Variants in BTG1 observed in about 807,000 individuals in gnomAD.
BTG1 encodes protein BTG1.
BTG1 carries 2 observed loss-of-function variants against 15.2 expected under a neutral mutation model. The ratio of observed to expected loss-of-function variants is 0.13; its 90% CI spans 0.05 to 0.41. The LOEUF is 0.41. Among genes scored for constraint, BTG1 ranks in the 10% least tolerant of loss-of-function variants. BTG1 has a pLI of 0.99. For synonymous variants in BTG1, 109 were observed against 82.4 expected (o/e 1.32, Z -1.75); for missense variants, 149 against 215.0 (o/e 0.69, Z 1.92).
chr12:92,145,322 C>G, intron 1 of BTG1, 66 bp downstream of exon 1: 1 of 1,406,818 alleles, frequency 7.1e-7, no homozygotes, highest in Admixed American at 2.9e-5. Flanking sequence ...TCCCGCAGCC[C>G]CGACGGCCGG....
rs1245145979 is a variant in BTG1 at position 92,140,678 on chromosome 12, T to A, written c.*3402A>T. On this transcript the variant is annotated 3_prime_UTR_variant, in exon 2 of 2. Coordinates refer to ENST00000256015, the MANE Select transcript of BTG1 (RefSeq NM_001731.3). ...GTGATACTGTTATATTAGTTCCAAA[T>A]ATGAAAATAAACCGGTTATATTTTG... 9 of 231,982 alleles carry A rather than the reference T, an allele frequency of 3.9e-5. No individual in the cohort carries two copies. The highest frequency in any genetic ancestry group is 6.0e-5 in the Non-Finnish European group (7 of 117,346). 14.4% of individuals were successfully genotyped at this position (231,982 alleles called of 1,614,324 possible).
In BTG1 at chr12:92,143,753, T is replaced by C. The variant is rs1304464933; in HGVS notation, c.*327A>G. On this transcript the variant is annotated 3_prime_UTR_variant, in exon 2 of 2. Transcript: ENST00000256015. ...AGATTTACTGCAGAGAAAGATTCTT[T>C]GAAATACAGATTTTCTTTAAAAGGA... The C allele has an allele frequency of 6.7e-6, 2 of 297,722 alleles. No individual in the cohort carries two copies. Among genetic ancestry groups the C allele is most frequent in the Non-Finnish European group, 1.2e-5 (2 of 160,176 alleles). The allele number at this position is 297,722 out of a possible 1,614,324, so 18.4% of individuals were successfully genotyped here. A position where few individuals can be genotyped will look rare whatever the true frequency, so the allele number is the denominator to read the frequency against.
At chr12:92,145,331 G>C (rs1870513183) in intron 1 of BTG1, 57 bp downstream of exon 1, 1 of 1,436,556 alleles carries the variant, frequency 7.0e-7, no homozygotes, top group African/African-American at 1.5e-5. Flanking sequence ...CCCGACGGCC[G>C]GACTCTGACC....
In BTG1 at chr12:92,142,364, CTA is replaced by C. The variant is rs1870294729; in HGVS notation, c.*1714_*1715del. 8.7e-6 allele frequency: 2 copies of C among 231,142 alleles called. No homozygotes were observed. The highest frequency in any genetic ancestry group is 1.8e-4 in the South Asian group (1 of 5,512). The allele number at this position is 231,142 out of a possible 1,614,324, so 14.3% of individuals were successfully genotyped here. On this transcript the variant is annotated 3_prime_UTR_variant, in exon 2 of 2. Transcript: ENST00000256015. Reference sequence around the variant, plus strand: ...TTACATATATACCAAAAAAAGGCCACTATATGTTAACTGTGTAGAGCAAAATT... The same window carrying C: ...TTACATATATACCAAAAAAAGGCCACTATGTTAACTGTGTAGAGCAAAATT...
In BTG1 at chr12:92,145,764, G is replaced by C. The variant is rs962716188; in HGVS notation, c.-229C>G. 1.4e-5 allele frequency: 4 copies of C among 291,090 alleles called. No individual in the cohort carries two copies. The highest frequency in any genetic ancestry group is 5.2e-5 in the Admixed American group (1 of 19,114). The allele number at this position is 291,090 out of a possible 1,614,324, so 18.0% of individuals were successfully genotyped here. A position where few individuals can be genotyped will look rare whatever the true frequency, so the allele number is the denominator to read the frequency against. ...CGAGCGATGGCGGCCTGGTCACATC[G>C]CTCGGACCTCCCCAGCTGCCTCCGC... is the stretch of plus-strand genomic sequence containing the variant. On this transcript the variant is annotated 5_prime_UTR_variant, in exon 1 of 2. Transcript: ENST00000256015.
Position 92,143,649 on chromosome 12 carries a change from C to T in BTG1, c.*431G>A. The stretch of plus-strand genomic sequence containing the variant: ...ATTTCCAGTACTACCATGTTTAAAA[C>T]GTTTAACTTTCCTATTAAAAGCTGC... On this transcript the variant is annotated 3_prime_UTR_variant, in exon 2 of 2. Transcript: ENST00000256015. 2 of 256,052 alleles carry T rather than the reference C, an allele frequency of 7.8e-6. No individual in the cohort carries two copies. The highest frequency in any genetic ancestry group is 7.5e-6 in the Non-Finnish European group (1 of 132,940). 15.9% of individuals were successfully genotyped at this position (256,052 alleles called of 1,614,324 possible).
rs994559448 is a variant in BTG1 at position 92,140,772 on chromosome 12, T to C, written c.*3308A>G. ...AAGTCTAAAATGTTGGCAGTCTGTA[T>C]ACCTTCAGATAAATAAGAAATCTAT... On this transcript the variant is annotated 3_prime_UTR_variant, in exon 2 of 2. Transcript: ENST00000256015. 1 of 232,334 alleles carries C rather than the reference T, an allele frequency of 4.3e-6. No homozygotes were observed. The highest frequency in any genetic ancestry group is 2.2e-5 in the African/African-American group (1 of 45,312). The allele number at this position is 232,334 out of a possible 1,614,324, so 14.4% of individuals were successfully genotyped here.
rs369374957 is a variant in BTG1 at position 92,145,427 on chromosome 12, G to A, written c.109C>T (p.Leu37=). The change falls in exon 1 of 2, where the codon CTG becomes TTG. Residue 37 remains leucine (L), a synonymous_variant. Transcript: ENST00000256015. ...RTKGLTSERQ[L]QTFSQSLQEL... The stretch of plus-strand genomic sequence containing the variant: ...TGCAGGCTCTGGCTGAAGGTCTGCA[G>A]CTGTCGCTCGCTCGTGAGCCCCTTG... 6 of 1,591,906 alleles carry A rather than the reference G, an allele frequency of 3.8e-6. No individual in the cohort carries two copies. Among genetic ancestry groups the A allele is most frequent in the East Asian group, 4.8e-5 (2 of 41,468 alleles).
chr12:92,143,157 AGAGAG>A lies in BTG1; in HGVS notation c.*918_*922del. The A allele has an allele frequency of 4.3e-6, 1 of 231,600 alleles. No individual in the cohort carries two copies. Among genetic ancestry groups the A allele is most frequent in the East Asian group, 6.1e-5 (1 of 16,366 alleles). The allele number at this position is 231,600 out of a possible 1,614,324, so 14.3% of individuals were successfully genotyped here. ...GCCAAGATAAGAAACGATTTATTATAGAGAGAAGAAAAATTTCTCATCCAAAATAT... is the reference window on the plus strand; with the variant it reads ...GCCAAGATAAGAAACGATTTATTATAAAGAAAAATTTCTCATCCAAAATAT... On this transcript the variant is annotated 3_prime_UTR_variant, in exon 2 of 2. Transcript: ENST00000256015.
rs1014858597 is a variant in BTG1 at position 92,142,581 on chromosome 12, T to C, written c.*1499A>G. ...ATCGAGAAAGTCAGCATTTCAACTTTTGAGAATAAAAGTTCATAAACATAC... is the reference window on the plus strand; with the variant it reads ...ATCGAGAAAGTCAGCATTTCAACTTCTGAGAATAAAAGTTCATAAACATAC... On this transcript the variant is annotated 3_prime_UTR_variant, in exon 2 of 2. Transcript: ENST00000256015. 3.4e-5 allele frequency: 8 copies of C among 232,780 alleles called. No individual in the cohort carries two copies. The highest frequency in any genetic ancestry group is 5.9e-5 in the Non-Finnish European group (7 of 117,852). 14.4% of individuals were successfully genotyped at this position (232,780 alleles called of 1,614,324 possible). A position where few individuals can be genotyped will look rare whatever the true frequency, so the allele number is the denominator to read the frequency against.
intron 1 of BTG1, chr12:92,145,149 C>G (rs2136949550): frequency 2.2e-6 from 1 of 450,694 alleles, no homozygotes; most frequent in Non-Finnish European, 3.6e-6. Context: ...CTTTGTTGTG[C>G]GTGTTGTCTT....
rs1870258719 is a variant in BTG1 at position 92,141,945 on chromosome 12, G to A, written c.*2135C>T. ...GTACTTAGTTTCAATGGAGTTACCA[G>A]ATGAAATGTAGTTGGTAAACAACAG... On this transcript the variant is annotated 3_prime_UTR_variant, in exon 2 of 2. Coordinates refer to ENST00000256015, the MANE Select transcript of BTG1 (RefSeq NM_001731.3). The A allele has an allele frequency of 4.3e-6, 1 of 232,130 alleles. No individual in the cohort carries two copies. The highest frequency in any genetic ancestry group is 8.5e-6 in the Non-Finnish European group (1 of 117,488). The allele number at this position is 232,130 out of a possible 1,614,324, so 14.4% of individuals were successfully genotyped here. A position where few individuals can be genotyped will look rare whatever the true frequency, so the allele number is the denominator to read the frequency against.
intron 1 of BTG1, chr12:92,145,144 T>G (rs1203027614): frequency 7.1e-6 from 3 of 421,066 alleles, no homozygotes; most frequent in African/African-American, 2.1e-5. Context: ...AGTTTCTTTG[T>G]TGTGCGTGTT....
chr12:92,144,703 C>G, intron 1 of BTG1, among the ~76,000 whole-genome samples: 1 of 152,214 alleles, frequency 6.6e-6, no homozygotes, highest in South Asian at 2.1e-4. Context: ...ATCAGGCGCG[C>G]AGCCTCGGCC....
chr12:92,145,244 AC>A, intron 1 of BTG1, 143 bp downstream of exon 1: 1 of 1,233,870 alleles, frequency 8.1e-7, no homozygotes, highest in Non-Finnish European at 1.0e-6. Flanking sequence ...GTTAGCGGCC[AC>A]CCAGCGCAAC....
chr12:92,142,772 T>C lies in BTG1; in HGVS notation c.*1308A>G, dbSNP rs575116654. 4.3e-6 allele frequency: 1 copy of C among 232,970 alleles called. No individual in the cohort carries two copies. Among genetic ancestry groups the C allele is most frequent in the South Asian group, 1.8e-4 (1 of 5,530 alleles). 14.4% of individuals were successfully genotyped at this position (232,970 alleles called of 1,614,324 possible). ...CAAAGAATCCATGGGGCAAAGTAATTGTTTTTCAAAGGTGGGTCAGAATGG... is the reference window on the plus strand; with the variant it reads ...CAAAGAATCCATGGGGCAAAGTAATCGTTTTTCAAAGGTGGGTCAGAATGG... On this transcript the variant is annotated 3_prime_UTR_variant, in exon 2 of 2. Transcript: ENST00000256015.
intron 1 of BTG1, among the ~76,000 whole-genome samples, 189 bp from the exon 2 acceptor site, chr12:92,144,636 A>C (rs767900961): frequency 7.9e-5 from 12 of 152,212 alleles, no homozygotes; most frequent in South Asian, 2.1e-4. Context: ...GAAATAACAC[A>C]GTAGTACCGG....
intron 1 of BTG1, 92 bp downstream of exon 1, chr12:92,145,296 G>T: frequency 1.5e-6 from 2 of 1,349,882 alleles, no homozygotes; most frequent in East Asian, 3.0e-5. Flanking sequence ...GACCGGCCCC[G>T]GGGCGCTGCC....
chr12:92,141,331 T>C lies in BTG1; in HGVS notation c.*2749A>G. ...AAAGACATGAGATTCCCATTCCAGA[T>C]GACAAAGATAACAGCCGCATTATCC... On this transcript the variant is annotated 3_prime_UTR_variant, in exon 2 of 2. Coordinates refer to ENST00000256015, the MANE Select transcript of BTG1 (RefSeq NM_001731.3). The C allele has an allele frequency of 4.3e-6, 1 of 232,616 alleles. No homozygotes were observed. Among genetic ancestry groups the C allele is most frequent in the East Asian group, 6.1e-5 (1 of 16,500 alleles). 14.4% of individuals were successfully genotyped at this position (232,616 alleles called of 1,614,324 possible). A position where few individuals can be genotyped will look rare whatever the true frequency, so the allele number is the denominator to read the frequency against.
Sources: gnomAD v4.1 joint callset for allele counts (sites outside exome capture counted in the v4.1 genomes callset) on GRCh38, gnomAD v4.1.1 for gene constraint, MANE v1.5 for transcripts, NCBI Gene and HGNC (gene_info 2026-07-23, HGNC 2026-07-21) for gene names.